GRIN2A: variants seen among roughly 807,000 people sequenced by gnomAD.
GRIN2A encodes glutamate receptor ionotropic, NMDA 2A.
A neutral mutation model predicts 113.4 loss-of-function variants in GRIN2A; 22 were observed. The ratio of observed to expected loss-of-function variants is 0.19; its 90% CI spans 0.14 to 0.28. The LOEUF (loss-of-function observed/expected upper bound fraction) is 0.28. Ranked by LOEUF, GRIN2A falls within the 10% of genes least tolerant of loss-of-function variation. The pLI, the probability that GRIN2A is intolerant of heterozygous loss-of-function variation, is 1.00. For missense variants in GRIN2A, 1,502 were observed against 1,887.0 expected (o/e 0.80, Z 3.78); for synonymous variants, 827 against 738.4 (o/e 1.12, Z -1.94).
At chr16:10,138,047 A>G (rs1280884733) in intron 2 of GRIN2A, among the ~76,000 whole-genome samples, 2 of 152,222 alleles carry the variant, frequency 1.3e-5, no homozygotes, top group Non-Finnish European at 2.9e-5. Context: ...GACTCTGACC[A>G]TATGAATCCA....
Position 9,877,210 on chromosome 16 carries a change from G to A in GRIN2A, c.1122+13776C>T, listed in dbSNP as rs527762785. On this transcript the variant is annotated intron_variant, in intron 4 of 12. Coordinates refer to ENST00000330684, the MANE Select transcript of GRIN2A (RefSeq NM_001134407.3). ...GACTCACTTCACAGGGTTATTATGC[G>A]GCTAAAGTGAAATAATAAGTACAGA... Among the ~76,000 whole-genome samples the A allele has an allele frequency of 2.5e-4, 38 of 152,226 alleles. No individual in the cohort carries two copies. In the South Asian group the frequency reaches 4.4e-3, roughly 17 times the overall value.
intron 2 of GRIN2A, chr16:10,111,988 C>T: frequency 1.5e-6 from 1 of 662,166 alleles, no homozygotes; most frequent in South Asian, 1.6e-5. Flanking sequence ...GATCCTTCAG[C>T]CTAGCAAGGG....
intron 4 of GRIN2A, among the ~76,000 whole-genome samples, chr16:9,883,261 C>T (rs1055172861): frequency 6.6e-6 from 1 of 152,126 alleles, no homozygotes; most frequent in Admixed American, 6.5e-5. Context: ...CAGCTGAAGT[C>T]GTCGATACCA....
At chr16:10,087,323 C>G (rs2048103752) in intron 2 of GRIN2A, among the ~76,000 whole-genome samples, 1 of 152,242 alleles carries the variant, frequency 6.6e-6, no homozygotes, top group South Asian at 2.1e-4. Context: ...CCCTACTGGA[C>G]AATTGGAATC....
intron 2 of GRIN2A, among the ~76,000 whole-genome samples, chr16:9,957,045 T>A (rs1205177534): frequency 1.6e-4 from 24 of 152,168 alleles, no homozygotes; most frequent in Non-Finnish European, 1.5e-4. Flanking sequence ...TTCTATCTAA[T>A]CCCTTTCAAT....
chr16:9,769,857 T>C (rs185092541), intron 11 of GRIN2A, among the ~76,000 whole-genome samples: 160 of 152,328 alleles, frequency 1.1e-3, no homozygotes, highest in South Asian at 7.7e-3. Flanking sequence ...TTTCTCTCTC[T>C]CTTTAGAACA....
chr16:10,096,765 C>T (rs565754037), intron 2 of GRIN2A, among the ~76,000 whole-genome samples: 31 of 152,248 alleles, frequency 2.0e-4, no homozygotes, highest in Non-Finnish European at 4.6e-4. Flanking sequence ...CCCCATTCTC[C>T]TTGTACTTCC....
chr16:9,972,837 G>A (rs968781499), intron 2 of GRIN2A, among the ~76,000 whole-genome samples: 2 of 152,210 alleles, frequency 1.3e-5, no homozygotes, highest in Admixed American at 6.5e-5. Context: ...AATAGAGAAA[G>A]AGTAATTCAC....
intron 4 of GRIN2A, among the ~76,000 whole-genome samples, chr16:9,861,146 A>G (rs942616110): frequency 6.6e-6 from 1 of 152,176 alleles, no homozygotes; most frequent in African/African-American, 2.4e-5. Flanking sequence ...TTTCATAACC[A>G]TGGGGAAACA....
In GRIN2A at chr16:9,759,103, A is replaced by G. The variant is rs768870823; in HGVS notation, c.*4046T>C. On this transcript the variant is annotated 3_prime_UTR_variant, in exon 13 of 13. Transcript: ENST00000330684. Reference sequence around the variant, plus strand: ...CTATGCACAAAGAAACAGTACAGGAATGTGCATAATGTTAACGAATATATC... The same window carrying G: ...CTATGCACAAAGAAACAGTACAGGAGTGTGCATAATGTTAACGAATATATC... The G allele has an allele frequency of 4.6e-6, 1 of 217,786 alleles. No individual in the cohort carries two copies. Among genetic ancestry groups the G allele is most frequent in the African/African-American group, 2.2e-5 (1 of 44,550 alleles). 13.5% of individuals were successfully genotyped at this position (217,786 alleles called of 1,614,324 possible).
chr16:10,037,362 A>T (rs966376594), intron 2 of GRIN2A: 6 of 152,218 alleles, frequency 3.9e-5, no homozygotes, highest in African/African-American at 1.4e-4. Flanking sequence ...AAACATGGTG[A>T]TCACTTCTCC....
rs2141133473 is a variant in GRIN2A at position 9,764,220 on chromosome 16, G to T, written c.3324C>A (p.Thr1108=). ...CSEVERTYLK[T]KSSSPRDKIY... is the part of the protein sequence containing the mutation. Reference sequence around the variant, plus strand: ...TCTTGTCTCTAGGGGAGCTTGATTTGGTTTTCAGGTAGGTGCGCTCGACCT... The same window carrying T: ...TCTTGTCTCTAGGGGAGCTTGATTTTGTTTTCAGGTAGGTGCGCTCGACCT... Residue 1108 remains threonine, a synonymous_variant, in exon 13 of 13, where the codon ACC becomes ACA. Coordinates refer to ENST00000330684, the MANE Select transcript of GRIN2A (RefSeq NM_001134407.3). 1 of 1,395,702 alleles carries T rather than the reference G, an allele frequency of 7.2e-7. No homozygotes were observed. Among genetic ancestry groups the T allele is most frequent in the East Asian group, 2.8e-5 (1 of 35,384 alleles). The allele number at this position is 1,395,702 out of a possible 1,614,324, so 86.5% of individuals were successfully genotyped here. A position where few individuals can be genotyped will look rare whatever the true frequency, so the allele number is the denominator to read the frequency against.
intron 11 of GRIN2A, among the ~76,000 whole-genome samples, chr16:9,781,309 T>C (rs1901921965): frequency 6.6e-6 from 1 of 152,242 alleles, no homozygotes; most frequent in Non-Finnish European, 1.5e-5. Context: ...TGCTGCTAGA[T>C]AGTGGTAAAA....
intron 2 of GRIN2A, among the ~76,000 whole-genome samples, chr16:10,042,369 G>C (rs1230908574): frequency 6.6e-6 from 1 of 151,994 alleles, no homozygotes; most frequent in African/African-American, 2.4e-5. Flanking sequence ...ATGACATGAG[G>C]GACTTCAAGC....
intron 3 of GRIN2A, among the ~76,000 whole-genome samples, chr16:9,896,084 CT>C (rs956066516): frequency 6.6e-6 from 1 of 151,702 alleles, no homozygotes; most frequent in Non-Finnish European, 1.5e-5. Flanking sequence ...GGGTCTCACT[CT>C]GCCACCCAGG....
At chr16:10,105,277 G>A (rs2048476002) in intron 2 of GRIN2A, among the ~76,000 whole-genome samples, 1 of 152,092 alleles carries the variant, frequency 6.6e-6, no homozygotes, top group Admixed American at 6.5e-5. Flanking sequence ...GAAAATCCTT[G>A]CCCTTTAATG....
intron 2 of GRIN2A, among the ~76,000 whole-genome samples, chr16:10,059,500 T>G (rs8057216): frequency 0.043 from 6,575 of 151,834 alleles, 525 homozygotes; most frequent in African/African-American, 0.15. Context: ...CCCCTGGCTT[T>G]GACTGGTGGT....
chr16:9,934,506 C>T (rs2044665946), intron 3 of GRIN2A, among the ~76,000 whole-genome samples: 1 of 151,766 alleles, frequency 6.6e-6, no homozygotes, highest in Admixed American at 6.6e-5. Context: ...CATGGTGAAA[C>T]CTCGTCTCTA....
chr16:9,796,150 T>A (rs1902968418), intron 11 of GRIN2A, among the ~76,000 whole-genome samples: 2 of 152,222 alleles, frequency 1.3e-5, no homozygotes, highest in Non-Finnish European at 2.9e-5. Flanking sequence ...TAATAGATGC[T>A]TCGAGAGTGA....
Sources: gnomAD v4.1 joint callset for allele counts (sites outside exome capture counted in the v4.1 genomes callset) on GRCh38, gnomAD v4.1.1 for gene constraint, MANE v1.5 for transcripts, NCBI Gene and HGNC (gene_info 2026-07-23, HGNC 2026-07-21) for gene names.